CEP250: variants seen among roughly 807,000 people sequenced by gnomAD.
CEP250 encodes the protein centrosome-associated protein CEP250.
A neutral mutation model predicts 315.7 loss-of-function variants in CEP250; 242 were observed. That is an observed-to-expected ratio of 0.77 (90% CI 0.69 to 0.85). The LOEUF (loss-of-function observed/expected upper bound fraction) is 0.85. CEP250 is among the 40% of genes least tolerant of loss of function. CEP250 has a pLI of 0.00. For missense variants in CEP250, 2,515 were observed against 2,886.4 expected (o/e 0.87, Z 2.95); for synonymous variants, 1,088 against 1,175.0 (o/e 0.93, Z 1.51).
Position 35,504,776 on chromosome 20 carries a change from A to T in CEP250, c.6407A>T (p.Glu2136Val). The part of the protein sequence containing the change: ...PHSHKTSPME[E>V]QSLKLDSLEP... The stretch of plus-strand genomic sequence containing the variant: ...AGCCACAAAACCTCCCCAATGGAGG[A>T]ACAATCTCTAAAACTTGATTCTTTA... Residue 2136 changes from glutamate (E) to valine (V), a missense_variant, in exon 30 of 35, where the codon GAA becomes GTA. By Grantham distance (121) the Glu-to-Val change is moderately radical (BLOSUM62 -2). Coordinates refer to ENST00000397527, the MANE Select transcript of CEP250 (RefSeq NM_007186.6). 1 of 1,614,214 alleles carries T rather than the reference A, an allele frequency of 6.2e-7. No homozygotes were observed. Among genetic ancestry groups the T allele is most frequent in the East Asian group, 2.2e-5 (1 of 44,884 alleles).
At chr20:35,502,330 T>G in intron 29 of CEP250, 60 bp from the exon 30 acceptor site, 1 of 1,383,544 alleles carries the variant, frequency 7.2e-7, no homozygotes, top group Non-Finnish European at 9.9e-7. Context: ...GAAGGGTCGG[T>G]GTTGGGGTGA....
rs566127334 is a variant in CEP250 at position 35,510,171 on chromosome 20, CA to C, written c.7065+122del. ...AGAGAACTTCAGTCTCCATGGGAGG[CA>C]AAAATAGTCCCAGTCCCAACCCCAT... On this transcript the variant is annotated intron_variant, in intron 34 of 34. Transcript: ENST00000397527. 7.9e-4 allele frequency: 708 copies of C among 892,498 alleles called. 5 individuals carry two copies. Among genetic ancestry groups the C allele is most frequent in the Non-Finnish European group, 8.3e-5 (45 of 544,110 alleles). The allele number at this position is 892,498 out of a possible 1,614,324, so 55.3% of individuals were successfully genotyped here. A position where few individuals can be genotyped will look rare whatever the true frequency, so the allele number is the denominator to read the frequency against.
chr20:35,497,559 A>G (rs1415887569), intron 25 of CEP250, among the ~76,000 whole-genome samples, 160 bp from the exon 26 acceptor site: 2 of 152,052 alleles, frequency 1.3e-5, no homozygotes, highest in African/African-American at 2.4e-5. Context: ...ATCTAGGGTA[A>G]CACTCATTTC....
chr20:35,479,285 G>A lies in CEP250; in HGVS notation c.2149G>A (p.Ala717Thr). ...TCAGCTGGAGCAGCTACATCAGGAG[G>A]CAAAGCGACAGGAAGAAGTGCTTGC... ...TTQLEQLHQE[A>T]KRQEEVLARA... is the part of the protein sequence containing the mutation. Residue 717 changes from alanine to threonine, a missense_variant, in exon 18 of 35, where the codon GCA (alanine) becomes ACA (threonine). Coordinates refer to ENST00000397527, the MANE Select transcript of CEP250 (RefSeq NM_007186.6). 6.2e-7 allele frequency: 1 copy of A among 1,614,120 alleles called. No individual in the cohort carries two copies. The highest frequency in any genetic ancestry group is 1.7e-5 in the Admixed American group (1 of 60,018).
Position 35,472,840 on chromosome 20 carries a change from C to G in CEP250, c.1209+9C>G. ...GACGCCAGGCTGTGCAGGTAGGAAC[C>G]CTCAGCATTCCACCTCAGTCACAGG... On this transcript the variant is annotated intron_variant, in intron 12 of 34. Coordinates refer to ENST00000397527, the MANE Select transcript of CEP250 (RefSeq NM_007186.6). 6.2e-7 allele frequency: 1 copy of G among 1,613,744 alleles called. No individual in the cohort carries two copies. Among genetic ancestry groups the G allele is most frequent in the Non-Finnish European group, 8.5e-7 (1 of 1,179,910 alleles).
chr20:35,478,218 C>A, intron 17 of CEP250, 117 bp downstream of exon 17: 2 of 712,816 alleles, frequency 2.8e-6, no homozygotes, highest in Non-Finnish European at 4.7e-6. Flanking sequence ...TAGAAATGAC[C>A]AGTGTTACTA....
intron 30 of CEP250, among the ~76,000 whole-genome samples, chr20:35,507,365 C>T (rs1290875680): frequency 1.3e-5 from 2 of 152,082 alleles, no homozygotes; most frequent in Non-Finnish European, 2.9e-5. Flanking sequence ...GTCATATAGC[C>T]ACTGAGTGGC....
intron 17 of CEP250, among the ~76,000 whole-genome samples, chr20:35,478,552 G>A (rs1281293065): frequency 1.3e-5 from 2 of 152,216 alleles, no homozygotes; most frequent in East Asian, 1.9e-4. Context: ...ATGACAGAGC[G>A]ACACTGCTCA....
Position 35,511,886 on chromosome 20 carries a change from C to T in CEP250, c.*260C>T. ...CCTTGCCCTGGCTGAGGGACATGTA[C>T]TGCCTCTCATCTAGAATTTATTTTC... On this transcript the variant is annotated 3_prime_UTR_variant, in exon 35 of 35. Transcript: ENST00000397527. 7 of 1,289,362 alleles carry T rather than the reference C, an allele frequency of 5.4e-6. No homozygotes were observed. The highest frequency in any genetic ancestry group is 6.9e-6 in the Non-Finnish European group (7 of 1,019,942). 79.9% of individuals were successfully genotyped at this position (1,289,362 alleles called of 1,614,324 possible). A position where few individuals can be genotyped will look rare whatever the true frequency, so the allele number is the denominator to read the frequency against.
chr20:35,478,104 G>A lies in CEP250; in HGVS notation c.2094+3G>A. ...AAATTCAAAAGAAACTAAGTGAGGT[G>A]AGAAGCCAAAATGGACACCATCATG... is the stretch of plus-strand genomic sequence containing the variant. On this transcript the variant is annotated splice_donor_region_variant and intron_variant, in intron 17 of 34. Transcript: ENST00000397527. 6.2e-7 allele frequency: 1 copy of A among 1,600,352 alleles called. No individual in the cohort carries two copies. Among genetic ancestry groups the A allele is most frequent in the Non-Finnish European group, 8.6e-7 (1 of 1,168,220 alleles).
intron 23 of CEP250, among the ~76,000 whole-genome samples, chr20:35,493,794 A>C (rs913972090): frequency 1.3e-5 from 2 of 152,120 alleles, no homozygotes; most frequent in Admixed American, 1.3e-4. Flanking sequence ...ATGGTCACAG[A>C]GTTTTTGTTT....
chr20:35,475,202 C>T (rs2063135359), intron 14 of CEP250, among the ~76,000 whole-genome samples: 2 of 152,174 alleles, frequency 1.3e-5, no homozygotes, highest in South Asian at 4.1e-4. Flanking sequence ...TCCCATTTCC[C>T]TTCCCCCTTT....
Position 35,473,477 on chromosome 20 carries a change from A to G in CEP250, c.1313A>G (p.Gln438Arg), listed in dbSNP as rs766333739. 1 of 1,614,228 alleles carries G rather than the reference A, an allele frequency of 6.2e-7. No individual in the cohort carries two copies. Among genetic ancestry groups the G allele is most frequent in the South Asian group, 1.1e-5 (1 of 91,090 alleles). ...EEGKALRQRL[Q>R]KLTGERDTLA... ...GGCAAAGCCTTGAGACAGCGGCTGC[A>G]GAAGCTCACTGGGGAGCGGGACACT... The change falls in exon 13 of 35, where the codon CAG (glutamine) becomes CGG (arginine). Residue 438 changes from glutamine (Q) to arginine (R), a missense_variant. Transcript: ENST00000397527.
chr20:35,462,317 G>A lies in CEP250; in HGVS notation c.-51G>A. ...AATGGTTAGAGACCCTGCTGGGCGT[G>A]AACACCCTCTGGCTACCTAGGGACC... On this transcript the variant is annotated 5_prime_UTR_variant, in exon 4 of 35. Coordinates refer to ENST00000397527, the MANE Select transcript of CEP250 (RefSeq NM_007186.6). The A allele has an allele frequency of 6.7e-7, 1 of 1,482,138 alleles. No homozygotes were observed. The highest frequency in any genetic ancestry group is 9.2e-7 in the Non-Finnish European group (1 of 1,092,842). The allele number at this position is 1,482,138 out of a possible 1,614,324, so 91.8% of individuals were successfully genotyped here.
rs2063668837 is a variant in CEP250, at chr20:35,490,878, C to T, written c.2754+74C>T. 4.5e-6 allele frequency: 7 copies of T among 1,539,538 alleles called. No homozygotes were observed. The South Asian group carries it at 7.2e-5, about 16-fold the overall frequency. On this transcript the variant is annotated intron_variant, in intron 21 of 34. Transcript: ENST00000397527. ...TACCTTGACCACTTCCTTTTCTACT[C>T]CCAAGAGGAGTGCTGCAGAGGGGCT...
rs1266271459 is a variant in CEP250 at position 35,493,032 on chromosome 20, G to A, written c.2890-397G>A. Among the ~76,000 whole-genome samples, 5 of 151,814 alleles carry A rather than the reference G, an allele frequency of 3.3e-5. No homozygotes were observed. The East Asian group carries it at 9.7e-4, about 29-fold the overall frequency. On this transcript the variant is annotated intron_variant, in intron 22 of 34. Coordinates refer to ENST00000397527, the MANE Select transcript of CEP250 (RefSeq NM_007186.6). The stretch of plus-strand genomic sequence containing the variant: ...CGTGAGCCACCGCGCCTGGGCAGTT[G>A]GATGGTATTTAAAAAGCAGGGGTGG...
At chr20:35,498,902 C>T (rs2063923964) in intron 27 of CEP250, among the ~76,000 whole-genome samples, 186 bp downstream of exon 27, 1 of 152,148 alleles carries the variant, frequency 6.6e-6, no homozygotes, top group Non-Finnish European at 1.5e-5. Flanking sequence ...TTTTCCCTTG[C>T]AGAGTAGGGC....
At chr20:35,495,178 T>C (rs924958200) in intron 24 of CEP250, among the ~76,000 whole-genome samples, 1 of 152,102 alleles carries the variant, frequency 6.6e-6, no homozygotes, top group Non-Finnish European at 1.5e-5. Context: ...AAGTTTACAG[T>C]GTTAACTGAA....
At position 35,504,485 on chromosome 20, in the gene CEP250, A is replaced by G. The variant is rs778530079; in HGVS notation, c.6116A>G (p.Gln2039Arg). ...CTCCGATACCAGGAGGATGTGCAGCAGCTGCAGCAGGCACTTGCCCAGAGG... is the reference window on the plus strand; with the variant it reads ...CTCCGATACCAGGAGGATGTGCAGCGGCTGCAGCAGGCACTTGCCCAGAGG... The part of the protein sequence containing the change: ...QDLRYQEDVQ[Q>R]LQQALAQRDE... The change falls in exon 30 of 35, where the codon CAG becomes CGG. Residue 2039 changes from glutamine (Q) to arginine (R), a missense_variant. Physicochemically the swap from Gln to Arg is conservative, Grantham distance 43 (BLOSUM62 1). Transcript: ENST00000397527. 8 of 1,613,786 alleles carry G rather than the reference A, an allele frequency of 5.0e-6. No homozygotes were observed. The South Asian group carries it at 7.7e-5, about 16-fold the overall frequency.
Sources: allele counts gnomAD v4.1 joint callset (sites outside exome capture counted in the v4.1 genomes callset), GRCh38; gene constraint gnomAD v4.1.1; transcripts MANE v1.5; gene names NCBI Gene and HGNC (gene_info 2026-07-23, HGNC 2026-07-21).